Variants in ZNF804A observed in about 807,000 individuals in gnomAD.
The protein encoded by ZNF804A is zinc finger protein 804A.
A neutral mutation model predicts 16.5 loss-of-function variants in ZNF804A; 2 were observed. That is an observed-to-expected ratio of 0.12 (90% CI 0.05 to 0.38). The LOEUF is 0.38. Among genes scored for constraint, ZNF804A ranks in the 10% least tolerant of loss-of-function variants. ZNF804A has a pLI of 0.99. For synonymous variants in ZNF804A, 534 were observed against 489.6 expected (o/e 1.09, Z -1.20); for missense variants, 1,473 against 1,390.7 (o/e 1.06, Z -0.94).
chr2:184,601,095 G>A (rs565301071), intron 1 of ZNF804A, among the ~76,000 whole-genome samples: 9 of 152,040 alleles, frequency 5.9e-5, no homozygotes, highest in Non-Finnish European at 1.0e-4. Context: ...TGTATTTCCT[G>A]TGTATGAGAT....
At chr2:184,654,416 C>A (rs1692042488) in intron 1 of ZNF804A, among the ~76,000 whole-genome samples, 1 of 152,164 alleles carries the variant, frequency 6.6e-6, no homozygotes, top group Admixed American at 6.5e-5. Context: ...TCATTGAATA[C>A]ATCCTGACCA....
At chr2:184,728,627 A>C (rs970763951) in intron 1 of ZNF804A, among the ~76,000 whole-genome samples, 2 of 151,922 alleles carry the variant, frequency 1.3e-5, no homozygotes, top group Admixed American at 1.3e-4. Flanking sequence ...AATCTGAGCC[A>C]TGTGGATAAC....
In ZNF804A at chr2:184,824,404, T is replaced by C. The variant is rs570969970; in HGVS notation, c.112-41965T>C. 2.0e-5 allele frequency among the ~76,000 whole-genome samples: 3 copies of C among 152,196 alleles called. No individual in the cohort carries two copies. The East Asian group carries it at 5.8e-4, about 29-fold the overall frequency. The stretch of plus-strand genomic sequence containing the variant: ...GCGGCAGTCAAGCTGACCTTAAAGC[T>C]ATAACTTGATAACGTTTGTTACATC... On this transcript the variant is annotated intron_variant, in intron 1 of 3. Coordinates refer to ENST00000302277, the MANE Select transcript of ZNF804A (RefSeq NM_194250.2).
chr2:184,708,207 A>G (rs1159626288), intron 1 of ZNF804A, among the ~76,000 whole-genome samples: 1 of 151,932 alleles, frequency 6.6e-6, no homozygotes, highest in Non-Finnish European at 1.5e-5. Flanking sequence ...TATTTTTCCC[A>G]TTCTGTAGGT....
At chr2:184,766,438 GT>G in intron 1 of ZNF804A, among the ~76,000 whole-genome samples, 1 of 151,830 alleles carries the variant, frequency 6.6e-6, no homozygotes, top group Admixed American at 6.6e-5. Context: ...AAAAATGATA[GT>G]TTTTTTCTTT....
At chr2:184,924,555 A>G (rs1450027540) in intron 2 of ZNF804A, among the ~76,000 whole-genome samples, 1 of 149,612 alleles carries the variant, frequency 6.7e-6, no homozygotes, top group Non-Finnish European at 1.5e-5. Flanking sequence ...CTTCATATTC[A>G]TTTATTTCCA....
At chr2:184,694,422 A>G (rs1251927613) in intron 1 of ZNF804A, among the ~76,000 whole-genome samples, 1 of 152,126 alleles carries the variant, frequency 6.6e-6, no homozygotes, top group Non-Finnish European at 1.5e-5. Context: ...ATGTATTTTT[A>G]TATAATTATG....
intron 1 of ZNF804A, among the ~76,000 whole-genome samples, chr2:184,733,982 T>C (rs1222433915): frequency 6.6e-6 from 1 of 152,178 alleles, no homozygotes; most frequent in African/African-American, 2.4e-5. Flanking sequence ...GTCTGTATTT[T>C]AGTTTTCTTT....
At chr2:184,874,214 C>A (rs1696018027) in intron 2 of ZNF804A, among the ~76,000 whole-genome samples, 1 of 151,896 alleles carries the variant, frequency 6.6e-6, no homozygotes, top group South Asian at 2.1e-4. Flanking sequence ...ATGATGAATA[C>A]AAAACTCAGG....
intron 1 of ZNF804A, among the ~76,000 whole-genome samples, chr2:184,673,126 A>G (rs1370978624): frequency 6.6e-6 from 1 of 152,170 alleles, no homozygotes; most frequent in East Asian, 1.9e-4. Flanking sequence ...GAGGAAGGGA[A>G]GAGGGTATGA....
chr2:184,922,086 C>A (rs546121712), intron 2 of ZNF804A, among the ~76,000 whole-genome samples: 1 of 152,084 alleles, frequency 6.6e-6, no homozygotes, highest in Non-Finnish European at 1.5e-5. Context: ...CATGAGTGCA[C>A]AGATATGTCT....
chr2:184,934,921 T>C (rs955144062), intron 3 of ZNF804A, among the ~76,000 whole-genome samples: 1 of 152,096 alleles, frequency 6.6e-6, no homozygotes, highest in Non-Finnish European at 1.5e-5. Context: ...ATACATTGTG[T>C]TAGTGGTTAG....
In ZNF804A at chr2:184,790,231, G is replaced by A. The variant is rs115694896; in HGVS notation, c.112-76138G>A. On this transcript the variant is annotated intron_variant, in intron 1 of 3. Transcript: ENST00000302277. ...GTTTTTTTTGCTTTTTTGTTTTTTT[G>A]TTTTTTTTTTGAGACTTGCCTTATG... 9.6e-3 allele frequency among the ~76,000 whole-genome samples: 1,379 copies of A among 144,052 alleles called. 22 individuals carry two copies. The highest frequency in any genetic ancestry group is 0.033 in the African/African-American group (1,318 of 39,512). The allele number at this position is 144,052 out of a possible 152,430, so 94.5% of individuals were successfully genotyped here.
chr2:184,797,506 A>G (rs541462717), intron 1 of ZNF804A, among the ~76,000 whole-genome samples: 6 of 152,066 alleles, frequency 3.9e-5, no homozygotes, highest in African/African-American at 1.2e-4. Context: ...CTTTAAGTTT[A>G]TATGAGTCTG....
intron 1 of ZNF804A, among the ~76,000 whole-genome samples, chr2:184,707,145 T>C (rs758750177): frequency 1.3e-5 from 2 of 152,150 alleles, no homozygotes; most frequent in Admixed American, 6.6e-5. Flanking sequence ...AAATATTACA[T>C]TGAAGAACGT....
chr2:184,873,580 A>G (rs1696008276), intron 2 of ZNF804A, among the ~76,000 whole-genome samples: 1 of 152,240 alleles, frequency 6.6e-6, no homozygotes, highest in Non-Finnish European at 1.5e-5. Flanking sequence ...TTGTAATAAC[A>G]TAAAAAGGCA....
chr2:184,819,773 C>G lies in ZNF804A; in HGVS notation c.112-46596C>G, dbSNP rs113639203. On this transcript the variant is annotated intron_variant, in intron 1 of 3. Transcript: ENST00000302277. ...CCCGCAGAAATAAAAACAACCATCACAGAATACTATAAACACCTCTATGCA... is the reference window on the plus strand; with the variant it reads ...CCCGCAGAAATAAAAACAACCATCAGAGAATACTATAAACACCTCTATGCA... Among the ~76,000 whole-genome samples, 1,114 of 151,818 alleles carry G rather than the reference C, an allele frequency of 7.3e-3. 10 individuals carry two copies. Among genetic ancestry groups the G allele is most frequent in the African/African-American group, 0.026 (1,069 of 41,502 alleles).
rs150035623 is a variant in ZNF804A at position 184,679,686 on chromosome 2, T to C, written c.111+80616T>C. Among the ~76,000 whole-genome samples, 69 of 152,296 alleles carry C rather than the reference T, an allele frequency of 4.5e-4. 2 individuals are homozygous for C. In the East Asian group the frequency reaches 0.013, roughly 28 times the overall value. ...CTCAGTGTGCACTCACTTGGGGCAG[T>C]GCTGACATGACAGCTCCCTATTGTC... On this transcript the variant is annotated intron_variant, in intron 1 of 3. Transcript: ENST00000302277.
intron 2 of ZNF804A, among the ~76,000 whole-genome samples, chr2:184,904,630 C>T (rs1211225046): frequency 6.6e-6 from 1 of 151,888 alleles, no homozygotes; most frequent in Non-Finnish European, 1.5e-5. Context: ...GTATAACTAC[C>T]TATAAAAGAA....
Sources: allele counts gnomAD v4.1 joint callset (sites outside exome capture counted in the v4.1 genomes callset), GRCh38; gene constraint gnomAD v4.1.1; transcripts MANE v1.5; gene names NCBI Gene and HGNC (gene_info 2026-07-23, HGNC 2026-07-21).